TEX14: variants seen among roughly 807,000 people sequenced by gnomAD.
TEX14 encodes the protein testis expressed 14, intercellular bridge forming factor, also known as inactive serine/threonine-protein kinase TEX14.
TEX14 carries 168 observed loss-of-function variants against 178.6 expected under a neutral mutation model. The ratio of observed to expected loss-of-function variants is 0.94; its 90% CI spans 0.83 to 1.07. The LOEUF (loss-of-function observed/expected upper bound fraction) is 1.07, where lower values mean the gene tolerates loss of function less well. Ranked by LOEUF, TEX14 falls within the 50% of genes least tolerant of loss-of-function variation. The probability of loss-of-function intolerance (pLI) is 0.00; values close to 1 mark genes in which losing one functional copy is unlikely to be tolerated. For missense variants in TEX14, 1,730 were observed against 1,753.6 expected (o/e 0.99, Z 0.24); for synonymous variants, 626 against 634.1 (o/e 0.99, Z 0.19).
chr17:58,659,259 A>C, intron 1 of TEX14: 3 of 796,342 alleles, frequency 3.8e-6, no homozygotes, highest in Non-Finnish European at 4.6e-6. Context: ...CCCCAAGAAA[A>C]ACACTTTATC....
chr17:58,685,606 A>C (rs887034791), intron 1 of TEX14, among the ~76,000 whole-genome samples: 1 of 151,976 alleles, frequency 6.6e-6, no homozygotes, highest in Non-Finnish European at 1.5e-5. Flanking sequence ...GCAAATGGGA[A>C]AGAGGAAAAG....
chr17:58,640,312 A>T (rs1364789577), intron 2 of TEX14, among the ~76,000 whole-genome samples: 5 of 152,034 alleles, frequency 3.3e-5, no homozygotes, highest in African/African-American at 1.2e-4. Flanking sequence ...TCCCAAAAAA[A>T]AAAAAAAGGT....
At chr17:58,564,796 A>C (rs2044362254) in intron 28 of TEX14, 73 bp downstream of exon 28, 1 of 884,854 alleles carries the variant, frequency 1.1e-6, no homozygotes, top group African/African-American at 1.7e-5. Context: ...CTTATTTGTC[A>C]ATATTAGAAA....
At chr17:58,633,614 C>G (rs1444829769) in intron 2 of TEX14, among the ~76,000 whole-genome samples, 1 of 151,714 alleles carries the variant, frequency 6.6e-6, no homozygotes, top group African/African-American at 2.4e-5. Flanking sequence ...CACTTGAGGT[C>G]AGGAGTTTGA....
At chr17:58,619,480 C>T (rs149166033) in intron 5 of TEX14, among the ~76,000 whole-genome samples, 46 of 152,226 alleles carry the variant, frequency 3.0e-4, no homozygotes, top group Admixed American at 1.0e-3. Flanking sequence ...TAGAGGCTAA[C>T]TCTAATTTCA....
At chr17:58,680,221 G>A (rs575227780) in intron 1 of TEX14, among the ~76,000 whole-genome samples, 1 of 152,158 alleles carries the variant, frequency 6.6e-6, no homozygotes, top group Admixed American at 6.6e-5. Flanking sequence ...CGGCTTTCTT[G>A]CGCAGTTAAA....
chr17:58,678,560 C>T, intron 1 of TEX14, among the ~76,000 whole-genome samples: 1 of 151,992 alleles, frequency 6.6e-6, no homozygotes, highest in Admixed American at 6.6e-5. Context: ...TCATTCTGAG[C>T]AAACTTTGCA....
At chr17:58,586,250 G>A (rs944001862) in intron 17 of TEX14, among the ~76,000 whole-genome samples, 168 bp from the exon 18 acceptor site, 1 of 152,096 alleles carries the variant, frequency 6.6e-6, no homozygotes, top group African/African-American at 2.4e-5. Flanking sequence ...GGAGGTCAGG[G>A]GAGAATTGAT....
At chr17:58,654,294 C>A (rs1031205223) in intron 1 of TEX14, among the ~76,000 whole-genome samples, 1 of 152,040 alleles carries the variant, frequency 6.6e-6, no homozygotes, top group East Asian at 1.9e-4. Flanking sequence ...AAAGTCTGAT[C>A]AAATAATAAT....
At chr17:58,565,925 C>T (rs753345741) in intron 26 of TEX14, 101 bp from the exon 27 acceptor site, 22 of 888,764 alleles carry the variant, frequency 2.5e-5, no homozygotes, top group Non-Finnish European at 3.5e-5. Flanking sequence ...AGACTTGCAG[C>T]ATTAACATAA....
At chr17:58,631,701 A>G (rs1426999333) in intron 2 of TEX14, 8 of 151,610 alleles carry the variant, frequency 5.3e-5, no homozygotes, top group Non-Finnish European at 8.8e-5. Context: ...CAGTTAGAAT[A>G]ACGCAACACC....
chr17:58,579,724 C>T lies in TEX14; in HGVS notation c.3179G>A (p.Ser1060Asn), dbSNP rs1233530865. Residue 1060 changes from serine (S) to asparagine (N), a missense_variant, in exon 20 of 32, where the codon AGT (serine) becomes AAT (asparagine). Around this residue, in one of 2 missense-constraint regions of TEX14, gnomAD observed 941 missense variants for 1,072.4 expected, o/e 0.88. Transcript: ENST00000349033. ...TCCTTCAAAGTCCTCTTCTATGGGACTCGAGGTCTAAAAAAGAACAAAAGA... is the reference window on the plus strand; with the variant it reads ...TCCTTCAAAGTCCTCTTCTATGGGATTCGAGGTCTAAAAAAGAACAAAAGA... ...VAVEKSYSTS[S>N]PIEEDFEGIQ... 6.2e-7 allele frequency: 1 copy of T among 1,613,450 alleles called. No individual in the cohort carries two copies. The highest frequency in any genetic ancestry group is 2.2e-5 in the East Asian group (1 of 44,860).
At chr17:58,639,149 G>A (rs1392943756) in intron 2 of TEX14, among the ~76,000 whole-genome samples, 2 of 151,828 alleles carry the variant, frequency 1.3e-5, no homozygotes, top group African/African-American at 4.8e-5. Context: ...ACAGGCGTGA[G>A]CCACCGCGCC....
chr17:58,658,160 C>T (rs2047008245), intron 1 of TEX14, among the ~76,000 whole-genome samples: 1 of 152,072 alleles, frequency 6.6e-6, no homozygotes, highest in South Asian at 2.1e-4. Flanking sequence ...GAATGCTCCA[C>T]GAGACTGATT....
chr17:58,664,302 T>G (rs1284473494), intron 1 of TEX14, among the ~76,000 whole-genome samples: 1 of 152,210 alleles, frequency 6.6e-6, no homozygotes, highest in South Asian at 2.1e-4. Flanking sequence ...TATGATTATT[T>G]GTGCCCCCTC....
At chr17:58,629,456 G>GAAAAA (rs969535540) in intron 3 of TEX14, among the ~76,000 whole-genome samples, 3 of 79,788 alleles carry the variant, frequency 3.8e-5, no homozygotes, top group Non-Finnish European at 7.8e-5. Context: ...CATGTGTCAG[G>GAAAAA]AAAAAAAAAA....
At chr17:58,617,407 T>C (rs551130469) in intron 6 of TEX14, 131 bp downstream of exon 6, 6 of 650,966 alleles carry the variant, frequency 9.2e-6, no homozygotes, top group Middle Eastern at 2.8e-4. Flanking sequence ...TTTCCCTCAA[T>C]AGGGGCAAAA....
chr17:58,604,028 A>G (rs16943134), intron 11 of TEX14, among the ~76,000 whole-genome samples: 22,058 of 151,006 alleles, frequency 0.15, 2,501 homozygotes, highest in East Asian at 0.31. Flanking sequence ...AAGTACATCC[A>G]TTTCTTTCAA....
At chr17:58,607,160 G>A (rs2045629341) in intron 10 of TEX14, among the ~76,000 whole-genome samples, 1 of 152,038 alleles carries the variant, frequency 6.6e-6, no homozygotes, top group Non-Finnish European at 1.5e-5. Flanking sequence ...AAATAAATGT[G>A]GGATTGAAGG....
Sources: allele counts gnomAD v4.1 joint callset (sites outside exome capture counted in the v4.1 genomes callset), GRCh38; gene constraint gnomAD v4.1.1; regional missense constraint gnomAD v4.1.1; transcripts MANE v1.5; gene names NCBI Gene and HGNC (gene_info 2026-07-23, HGNC 2026-07-21).